The following C19orf47 variants were observed in gnomAD, a reference collection of about 807,000 sequenced individuals.
The protein encoded by C19orf47 is chromosome 19 open reading frame 47, also known as uncharacterized protein C19orf47.
Under a neutral mutation model 32.3 loss-of-function variants are expected in C19orf47, and 18 were observed. The ratio of observed to expected loss-of-function variants is 0.56; its 90% CI spans 0.39 to 0.83. The LOEUF (loss-of-function observed/expected upper bound fraction) is 0.83. Ranked by LOEUF, C19orf47 falls within the 40% of genes least tolerant of loss-of-function variation. C19orf47 has a pLI of 0.00. For synonymous variants in C19orf47, 202 were observed against 211.1 expected (o/e 0.96, Z 0.37); for missense variants, 484 against 531.6 (o/e 0.91, Z 0.88).
intron 5 of C19orf47, among the ~76,000 whole-genome samples, chr19:40,333,274 A>AAAATAAATAAGAAAAT (rs2077992932): frequency 7.0e-6 from 1 of 142,848 alleles, no homozygotes; most frequent in African/African-American, 2.6e-5. Context: ...AATAAATAAG[A>AAAATAAATAAGAAAAT]AAATAAATAA....
the C19orf47 span, among the ~76,000 whole-genome samples, chr19:40,306,285 T>C: frequency 6.6e-6 from 1 of 151,792 alleles, no homozygotes; most frequent in African/African-American, 2.4e-5. Flanking sequence ...ACAATAGATA[T>C]AGATGATGCA....
intron 1 of C19orf47, 50 bp from the exon 2 acceptor site, chr19:40,341,940 G>T: frequency 6.5e-7 from 1 of 1,535,998 alleles, no homozygotes; most frequent in Non-Finnish European, 8.7e-7. Context: ...GGCTGTGAGT[G>T]TTTGTCCCTC....
chr19:40,341,367 C>T (rs2078174390), intron 2 of C19orf47, among the ~76,000 whole-genome samples: 1 of 151,720 alleles, frequency 6.6e-6, no homozygotes, highest in African/African-American at 2.4e-5. Context: ...ATATAATATA[C>T]TTTTCTATAT....
At chr19:40,310,013 A>C in the C19orf47 span, among the ~76,000 whole-genome samples, 2 of 152,228 alleles carry the variant, frequency 1.3e-5, no homozygotes, top group East Asian at 3.8e-4. Flanking sequence ...TTCTACTGCT[A>C]GGGTATATAC....
At chr19:40,309,514 A>G in the C19orf47 span, among the ~76,000 whole-genome samples, 2 of 151,756 alleles carry the variant, frequency 1.3e-5, no homozygotes, top group African/African-American at 4.8e-5. Context: ...TTTTGGTTAA[A>G]CCTTGCATAA....
intron 5 of C19orf47, among the ~76,000 whole-genome samples, chr19:40,329,570 A>AC (rs1378317857): frequency 6.6e-6 from 1 of 151,608 alleles, no homozygotes; most frequent in African/African-American, 2.4e-5. Flanking sequence ...ATAAAACGTG[A>AC]CCCCCAAGCA....
Position 40,326,315 on chromosome 19 carries a change from G to A in C19orf47, c.592+19C>T. On this transcript the variant is annotated intron_variant, in intron 7 of 8. Transcript: ENST00000683109. ...GGACATGGACCCCGCAGGGAAGCAT[G>A]CCCCTGATGGGCCAGTACCTTTTGC... The A allele has an allele frequency of 6.2e-7, 1 of 1,613,852 alleles. No individual in the cohort carries two copies. The highest frequency in any genetic ancestry group is 8.5e-7 in the Non-Finnish European group (1 of 1,179,880).
intron 1 of C19orf47, among the ~76,000 whole-genome samples, chr19:40,346,432 G>A (rs1407395125): frequency 1.5e-5 from 2 of 137,402 alleles, no homozygotes; most frequent in East Asian, 4.2e-4. Flanking sequence ...AACAGAGCGA[G>A]ACCTTGTCTC....
rs768031239 is a variant in C19orf47, at chr19:40,326,404, G to A, written c.522C>T (p.Tyr174=). ...RRVTAEMEGK[Y]VINMPKGTTP... Reference sequence around the variant, plus strand: ...TGGTGCCTTTGGGCATGTTGATGACGTACTTCCCCTCCATCTCAGCAGTGA... The same window carrying A: ...TGGTGCCTTTGGGCATGTTGATGACATACTTCCCCTCCATCTCAGCAGTGA... The change falls in exon 7 of 9, where the codon TAC becomes TAT. Residue 174 remains tyrosine, a synonymous_variant. Coordinates refer to ENST00000683109, the MANE Select transcript of C19orf47 (RefSeq NM_001256441.2). The A allele has an allele frequency of 1.4e-5, 22 of 1,614,090 alleles. No individual in the cohort carries two copies. The highest frequency in any genetic ancestry group is 1.4e-5 in the Non-Finnish European group (17 of 1,180,054).
chr19:40,330,227 CTTTTT>C (rs1046231188), intron 5 of C19orf47, among the ~76,000 whole-genome samples: 1 of 151,418 alleles, frequency 6.6e-6, no homozygotes, highest in Admixed American at 6.6e-5. Context: ...CTTTCCCTTT[CTTTTT>C]TTTCTTTTTT....
At chr19:40,325,724 G>C (rs1442039886) in intron 7 of C19orf47, among the ~76,000 whole-genome samples, 1 of 152,184 alleles carries the variant, frequency 6.6e-6, no homozygotes, top group Non-Finnish European at 1.5e-5. Flanking sequence ...CAAGAGACGG[G>C]GATATGGGAG....
chr19:40,302,578 A>AC, the C19orf47 span, among the ~76,000 whole-genome samples: 1 of 152,210 alleles, frequency 6.6e-6, no homozygotes, highest in Admixed American at 6.5e-5. Context: ...GGCATGAGCC[A>AC]CCACTCCTGG....
the C19orf47 span, among the ~76,000 whole-genome samples, chr19:40,313,526 T>C: frequency 6.6e-6 from 1 of 152,170 alleles, no homozygotes; most frequent in Non-Finnish European, 1.5e-5. Flanking sequence ...AGTTTCACCA[T>C]GTTGCCCAGT....
the C19orf47 span, among the ~76,000 whole-genome samples, chr19:40,312,823 C>G: frequency 1.3e-5 from 2 of 152,190 alleles, no homozygotes; most frequent in African/African-American, 2.4e-5. Flanking sequence ...CAGTCAACCC[C>G]TGGGACTATA....
intron 1 of C19orf47, 53 bp from the exon 2 acceptor site, chr19:40,341,943 T>C: frequency 6.5e-7 from 1 of 1,535,934 alleles, no homozygotes; most frequent in Non-Finnish European, 8.7e-7. Context: ...TGTGAGTGTT[T>C]GTCCCTCTCC....
intron 5 of C19orf47, among the ~76,000 whole-genome samples, chr19:40,328,965 C>T (rs1240655886): frequency 2.0e-5 from 3 of 152,138 alleles, no homozygotes; most frequent in Admixed American, 6.5e-5. Context: ...TCCCCAAGCA[C>T]AGCGGAATTG....
chr19:40,318,531 C>T (rs2077678614), downstream of C19orf47, among the ~76,000 whole-genome samples: 1 of 152,184 alleles, frequency 6.6e-6, no homozygotes, highest in Admixed American at 6.5e-5. Flanking sequence ...TTCACCCCAG[C>T]AGTTGTTAAA....
chr19:40,323,074 T>G (rs995170333), intron 8 of C19orf47, among the ~76,000 whole-genome samples: 18 of 152,318 alleles, frequency 1.2e-4, no homozygotes, highest in African/African-American at 4.3e-4. Flanking sequence ...AGTATAATCC[T>G]ATGTATTGAG....
intron 1 of C19orf47, among the ~76,000 whole-genome samples, chr19:40,346,819 C>A (rs1432384095): frequency 1.3e-5 from 2 of 152,212 alleles, no homozygotes; most frequent in East Asian, 3.9e-4. Flanking sequence ...AGCCACCACG[C>A]CCAGCCAAGG....
Sources: gnomAD v4.1 joint callset for allele counts (sites outside exome capture counted in the v4.1 genomes callset) on GRCh38, gnomAD v4.1.1 for gene constraint, MANE v1.5 for transcripts, NCBI Gene and HGNC (gene_info 2026-07-23, HGNC 2026-07-21) for gene names.